The following NUMB variants were observed in gnomAD, a reference collection of about 807,000 sequenced individuals.
The protein encoded by NUMB is protein numb homolog.
NUMB carries 29 observed loss-of-function variants against 59.7 expected under a neutral mutation model. That is an observed-to-expected ratio of 0.49 (90% CI 0.36 to 0.66). The LOEUF is 0.66. NUMB is among the 30% of genes least tolerant of loss of function. The pLI is 0.00. For synonymous variants in NUMB, 288 were observed against 288.2 expected (o/e 1.00, Z 0.01); for missense variants, 723 against 822.0 (o/e 0.88, Z 1.47).
intron 3 of NUMB, among the ~76,000 whole-genome samples, chr14:73,363,868 G>T (rs1894207456): frequency 1.3e-5 from 2 of 152,146 alleles, no homozygotes; most frequent in Non-Finnish European, 2.9e-5. Flanking sequence ...ATGAAAACTT[G>T]AGCCCAGGAG....
In NUMB at chr14:73,453,624, T is replaced by C. The variant is rs980361167; in HGVS notation, c.-233+4869A>G. ...AACAAATTTTCCTTTTTTTTTTTTT[T>C]CAAAACAAAGTCTCGCTTTGTCGCC... is the stretch of plus-strand genomic sequence containing the variant. On this transcript the variant is annotated intron_variant, in intron 1 of 12. Transcript: ENST00000555238. Among the ~76,000 whole-genome samples, 6 of 151,942 alleles carry C rather than the reference T, an allele frequency of 3.9e-5. No individual in the cohort carries two copies. The South Asian group carries it at 8.3e-4, about 21-fold the overall frequency.
At chr14:73,397,792 A>G (rs1477191021) in intron 2 of NUMB, among the ~76,000 whole-genome samples, 1 of 152,160 alleles carries the variant, frequency 6.6e-6, no homozygotes, top group Non-Finnish European at 1.5e-5. Flanking sequence ...TGTGTCTATA[A>G]AGGTTTGGAT....
Position 73,282,383 on chromosome 14 carries a change from C to T in NUMB, c.1072G>A (p.Ala358Thr), listed in dbSNP as rs746617468. 6.8e-6 allele frequency: 11 copies of T among 1,614,010 alleles called. No homozygotes were observed. In the South Asian group the frequency reaches 8.8e-5, roughly 13 times the overall value. ...CCTTGGAAGGTAGGAGATTGTGGTG[C>T]CACCACTGTCACTGGTTTGGTCATC... is the stretch of plus-strand genomic sequence containing the variant. ...APMTKPVTVV[A>T]PQSPTFQANG... Residue 358 changes from alanine to threonine, a missense_variant, in exon 11 of 13, where the codon GCA becomes ACA. By Grantham distance (58) the Ala-to-Thr change is moderately conservative (BLOSUM62 0). Around this residue, in one of 2 missense-constraint regions of NUMB, gnomAD observed 406 missense variants for 385.4 expected, o/e 1.05. Transcript: ENST00000555238.
At chr14:73,413,529 G>A (rs1437745556) in intron 1 of NUMB, among the ~76,000 whole-genome samples, 5 of 151,670 alleles carry the variant, frequency 3.3e-5, no homozygotes, top group South Asian at 2.1e-4. Flanking sequence ...AGGTCGAGAC[G>A]GGTGGATCAC....
intron 1 of NUMB, among the ~76,000 whole-genome samples, chr14:73,451,175 C>CAAAAA (rs1209954055): frequency 2.9e-5 from 3 of 104,152 alleles, no homozygotes; most frequent in South Asian, 3.4e-4. Flanking sequence ...AAAAAAAAAA[C>CAAAAA]AAAAAACAAA....
chr14:73,331,789 C>A (rs1891994987), intron 4 of NUMB, among the ~76,000 whole-genome samples: 1 of 152,136 alleles, frequency 6.6e-6, no homozygotes, highest in Non-Finnish European at 1.5e-5. Context: ...CTCTCTCCTG[C>A]CACCTTGTGA....
In NUMB at chr14:73,422,603, AG is replaced by A. The variant is rs543734783; in HGVS notation, c.-232-12536del. ...TGGCACCAACATTTGCTTGGCTTCT[AG>A]TGAGGGCCTCGGGAAGCTTACAATC... On this transcript the variant is annotated intron_variant, in intron 1 of 12. Coordinates refer to ENST00000555238, the MANE Select transcript of NUMB (RefSeq NM_001005743.2). 5.1e-4 allele frequency among the ~76,000 whole-genome samples: 77 copies of A among 152,150 alleles called. 1 individual carries two copies. The South Asian group carries it at 5.8e-3, about 11-fold the overall frequency.
At chr14:73,384,004 G>A (rs1895377176) in intron 2 of NUMB, among the ~76,000 whole-genome samples, 1 of 151,962 alleles carries the variant, frequency 6.6e-6, no homozygotes, top group African/African-American at 2.4e-5. Flanking sequence ...GCGACAGAGT[G>A]AGACTCTGTC....
At chr14:73,334,363 G>A (rs1892172356) in intron 4 of NUMB, among the ~76,000 whole-genome samples, 2 of 152,060 alleles carry the variant, frequency 1.3e-5, no homozygotes, top group South Asian at 4.1e-4. Flanking sequence ...TTATTAAGTT[G>A]TTGTAGCAGG....
Position 73,276,605 on chromosome 14 carries a change from T to TA in NUMB, c.1928dup (p.Leu643PhefsTer6). On this transcript the variant is annotated frameshift_variant, in exon 13 of 13. Coordinates refer to ENST00000555238, the MANE Select transcript of NUMB (RefSeq NM_001005743.2). LOFTEE classifies it high-confidence loss of function. The stretch of plus-strand genomic sequence containing the variant: ...AAAGTTCAATTTCAAACGTCTTCTG[T>TA]AAGTCACTGGAGAAAGGGTTGGTAG... The TA allele has an allele frequency of 6.2e-7, 1 of 1,613,508 alleles. No individual in the cohort carries two copies. Among genetic ancestry groups the TA allele is most frequent in the Middle Eastern group, 1.7e-4 (1 of 6,060 alleles).
intron 4 of NUMB, among the ~76,000 whole-genome samples, chr14:73,343,867 G>A (rs1320931734): frequency 6.6e-6 from 1 of 151,582 alleles, no homozygotes; most frequent in African/African-American, 2.4e-5. Context: ...TAAAGCTTTA[G>A]GAAACAGATA....
Position 73,451,177 on chromosome 14 carries a change from A to AAAAC in NUMB, c.-233+7315_-233+7316insGTTT, listed in dbSNP as rs1566804068. ...TCAAAAAAAAAAAAAAAAAAAAACA[A>AAAAC]AAAACAAATCTACACTTCGGGAGGC... is the stretch of plus-strand genomic sequence containing the variant. On this transcript the variant is annotated intron_variant, in intron 1 of 12. Transcript: ENST00000555238. Among the ~76,000 whole-genome samples, 36 of 147,164 alleles carry AAAAC rather than the reference A, an allele frequency of 2.4e-4. 2 individuals carry two copies. The highest frequency in any genetic ancestry group is 7.8e-4 in the African/African-American group (31 of 39,804).
chr14:73,430,350 C>T (rs1431409606), intron 1 of NUMB, among the ~76,000 whole-genome samples: 2 of 151,896 alleles, frequency 1.3e-5, no homozygotes, highest in Non-Finnish European at 2.9e-5. Flanking sequence ...GGTTTTGGGG[C>T]CAGGGGCAGT....
intron 3 of NUMB, among the ~76,000 whole-genome samples, chr14:73,365,573 C>T (rs1311935156): frequency 6.6e-6 from 1 of 151,864 alleles, no homozygotes; most frequent in Non-Finnish European, 1.5e-5. Context: ...GAGTTTCAGA[C>T]CAGCCTGGGC....
At chr14:73,304,374 G>C (rs1890309399) in intron 6 of NUMB, among the ~76,000 whole-genome samples, 1 of 152,064 alleles carries the variant, frequency 6.6e-6, no homozygotes, top group Non-Finnish European at 1.5e-5. Flanking sequence ...ACAGTGGTGT[G>C]ATCACAGCTC....
intron 5 of NUMB, among the ~76,000 whole-genome samples, chr14:73,317,546 C>T (rs1891153085): frequency 1.3e-5 from 2 of 152,226 alleles, no homozygotes. Flanking sequence ...AAGTGATCCA[C>T]CTGCCTAAGC....
At chr14:73,338,903 C>G (rs1034008779) in intron 4 of NUMB, among the ~76,000 whole-genome samples, 2 of 152,144 alleles carry the variant, frequency 1.3e-5, no homozygotes, top group African/African-American at 4.8e-5. Flanking sequence ...ATTTTTTGCA[C>G]AAATTGCTGT....
intron 6 of NUMB, among the ~76,000 whole-genome samples, chr14:73,303,709 TTAATAA>T (rs1241617509): frequency 6.6e-6 from 1 of 152,218 alleles, no homozygotes; most frequent in African/African-American, 2.4e-5. Flanking sequence ...ACTTTCTACT[TTAATAA>T]TAATTTCAGT....
intron 4 of NUMB, among the ~76,000 whole-genome samples, chr14:73,352,341 T>C (rs1419950260): frequency 6.6e-6 from 1 of 150,398 alleles, no homozygotes; most frequent in Non-Finnish European, 1.5e-5. Context: ...TCTGATCCTA[T>C]AGTCTAGGAT....
Sources: gnomAD v4.1 joint callset for allele counts (sites outside exome capture counted in the v4.1 genomes callset) on GRCh38, gnomAD v4.1.1 for gene constraint, gnomAD v4.1.1 regional missense constraint, MANE v1.5 for transcripts, NCBI Gene and HGNC (gene_info 2026-07-23, HGNC 2026-07-21) for gene names.